POLR2E: variants seen among roughly 807,000 people sequenced by gnomAD.
POLR2E encodes the protein DNA-directed RNA polymerases I, II, and III subunit RPABC1.
A neutral mutation model predicts 29.8 loss-of-function variants in POLR2E; 35 were observed. The ratio of observed to expected loss-of-function variants is 1.17; its 90% CI spans 0.90 to 1.55. The LOEUF is 1.55. Ranked by LOEUF, POLR2E falls within the 40% of genes most tolerant of loss-of-function variation. The probability of loss-of-function intolerance (pLI) is 0.00; values close to 1 mark genes in which losing one functional copy is unlikely to be tolerated. For synonymous variants in POLR2E, 174 were observed against 112.6 expected, an observed-to-expected ratio of 1.55 and a Z score of -3.45; for missense variants, 287 against 288.6, an observed-to-expected ratio of 0.99 and a Z score of 0.04.
Position 1,093,935 on chromosome 19 carries a change from G to A in POLR2E, c.201C>T (p.Asp67=). The A allele has an allele frequency of 6.2e-7, 1 of 1,611,062 alleles. No homozygotes were observed. Among genetic ancestry groups the A allele is most frequent in the Non-Finnish European group, 8.5e-7 (1 of 1,178,754 alleles). ...AGAACACAAACATCTGGTCGGTGGG[G>A]TCATCGTTGTGGGCCACCAGCACGG... ...DLTVLVAHND[D]PTDQMFVFFP... Residue 67 remains aspartate, a synonymous_variant, in exon 2 of 8, where the codon GAC becomes GAT. Transcript: ENST00000615234.
chr19:1,094,543 TAA>T (rs34453757), intron 1 of POLR2E: 168 of 153,098 alleles, frequency 1.1e-3, no homozygotes, highest in South Asian at 3.7e-3. Flanking sequence ...CCCTATCTCT[TAA>T]AAAAAAAAAA....
intron 2 of POLR2E, chr19:1,092,180 C>CT: frequency 2.4e-6 from 1 of 413,968 alleles, no homozygotes; most frequent in East Asian, 5.0e-5. Flanking sequence ...ACCTTCGACT[C>CT]TGAGAGGCTC....
intron 1 of POLR2E, chr19:1,094,385 A>C: frequency 2.8e-6 from 1 of 362,902 alleles, no homozygotes; most frequent in African/African-American, 2.1e-5. Context: ...GCTACCCTAA[A>C]GGCAGGGACA....
In POLR2E at chr19:1,090,999, GC is replaced by G; in HGVS notation, c.349-12del. 1 of 1,613,158 alleles carries G rather than the reference GC, an allele frequency of 6.2e-7. No homozygotes were observed. The highest frequency in any genetic ancestry group is 8.5e-7 in the Non-Finnish European group (1 of 1,179,710). On this transcript the variant is annotated splice_polypyrimidine_tract_variant and intron_variant, in intron 3 of 7. Transcript: ENST00000615234. ...CATGTCGACCAGGGACTGGAAGAGA[GC>G]GGCTCTAAGGCACGGCCCGGAGGGG...
intron 2 of POLR2E, among the ~76,000 whole-genome samples, chr19:1,092,810 G>A (rs1410855429): frequency 6.6e-6 from 1 of 151,228 alleles, no homozygotes; most frequent in Non-Finnish European, 1.5e-5. Context: ...GAACCTGGGA[G>A]GTGGAGGTTG....
intron 1 of POLR2E, 35 bp from the exon 2 acceptor site, chr19:1,094,113 G>C: frequency 6.3e-7 from 1 of 1,578,120 alleles, no homozygotes. Context: ...CCCCAGGGCA[G>C]AGAGAGGAAG....
chr19:1,090,311 G>A (rs1027735989), intron 4 of POLR2E, among the ~76,000 whole-genome samples, 166 bp from the exon 5 acceptor site: 9 of 149,468 alleles, frequency 6.0e-5, no homozygotes, highest in Non-Finnish European at 1.3e-4. Context: ...CTCCACAGGC[G>A]GGGGACGGAG....
chr19:1,091,157 C>A (rs2041819094), intron 3 of POLR2E, among the ~76,000 whole-genome samples, 169 bp from the exon 4 acceptor site: 1 of 152,236 alleles, frequency 6.6e-6, no homozygotes, highest in African/African-American at 2.4e-5. Flanking sequence ...CCGCCCCTCC[C>A]CAGCCTCTCT....
Position 1,091,908 on chromosome 19 carries a change from C to T in POLR2E, c.233-1G>A. On this transcript the variant is annotated splice_acceptor_variant, in intron 2 of 7. Coordinates refer to ENST00000615234, the MANE Select transcript of POLR2E (RefSeq NM_002695.5). LOFTEE classifies it high-confidence loss of function. ...GTCTTGATGCCCACCTTGGGCTCCT[C>T]TGCAGACAGAGAGTGTGCTGGCCTG... The T allele has an allele frequency of 1.2e-6, 2 of 1,602,746 alleles. No individual in the cohort carries two copies. The highest frequency in any genetic ancestry group is 8.5e-7 in the Non-Finnish European group (1 of 1,170,956).
chr19:1,094,250 C>G (rs2043897500), intron 1 of POLR2E, 172 bp from the exon 2 acceptor site: 1 of 603,322 alleles, frequency 1.7e-6, no homozygotes, highest in African/African-American at 1.9e-5. Flanking sequence ...AGCCTCACAC[C>G]ACAGGATGGG....
At chr19:1,089,984 A>G (rs2043793235) in intron 5 of POLR2E, 22 bp from the exon 6 acceptor site, 3 of 1,588,016 alleles carry the variant, frequency 1.9e-6, no homozygotes, top group Non-Finnish European at 2.6e-6. Context: ...CGTCAGGAAA[A>G]TGCCAGACAG....
chr19:1,093,320 G>A (rs533519490), intron 2 of POLR2E, among the ~76,000 whole-genome samples: 1 of 152,248 alleles, frequency 6.6e-6, no homozygotes, highest in Non-Finnish European at 1.5e-5. Context: ...TCCCCCAACC[G>A]CTGAGGGCTT....
intron 7 of POLR2E, 64 bp downstream of exon 7, chr19:1,089,408 C>A: frequency 9.2e-7 from 1 of 1,090,600 alleles, no homozygotes; most frequent in Non-Finnish European, 1.4e-6. Flanking sequence ...CCCTGCACAC[C>A]GACGGAGGGG....
intron 7 of POLR2E, among the ~76,000 whole-genome samples, chr19:1,089,261 C>T (rs1383303804): frequency 6.6e-6 from 1 of 152,208 alleles, no homozygotes; most frequent in Non-Finnish European, 1.5e-5. Flanking sequence ...CAGGACTCTC[C>T]CGTCCAGGCG....
chr19:1,086,879 A>G lies in POLR2E; in HGVS notation c.*1856T>C, dbSNP rs1196632878. 2.0e-5 allele frequency: 3 copies of G among 152,054 alleles called. No homozygotes were observed. The highest frequency in any genetic ancestry group is 4.8e-5 in the African/African-American group (2 of 41,300). The allele number at this position is 152,054 out of a possible 1,614,324, so 9.4% of individuals were successfully genotyped here. A position where few individuals can be genotyped will look rare whatever the true frequency, so the allele number is the denominator to read the frequency against. ...GTCACGTCCACCTGCAGCCCAGGGC[A>G]GTCCAGGAAAACGTTCTCGATGACG... On this transcript the variant is annotated 3_prime_UTR_variant, in exon 8 of 8. Coordinates refer to ENST00000615234, the MANE Select transcript of POLR2E (RefSeq NM_002695.5).
chr19:1,093,280 C>A (rs772912982), intron 2 of POLR2E, among the ~76,000 whole-genome samples: 3 of 152,248 alleles, frequency 2.0e-5, no homozygotes, highest in African/African-American at 7.2e-5. Context: ...TAATTCTGGG[C>A]GTGGGGCTGC....
In POLR2E at chr19:1,091,086, A is replaced by G. The variant is rs745773328; in HGVS notation, c.349-98T>C. On this transcript the variant is annotated intron_variant, in intron 3 of 7. Transcript: ENST00000615234. Reference sequence around the variant, plus strand: ...TACCTGGGGCTTACTCGTGTGCCCCAACAACACACCCACGTCGTGAATCAG... The same window carrying G: ...TACCTGGGGCTTACTCGTGTGCCCCGACAACACACCCACGTCGTGAATCAG... 292 of 990,594 alleles carry G rather than the reference A, an allele frequency of 2.9e-4. 2 individuals are homozygous for G. The highest frequency in any genetic ancestry group is 9.3e-4 in the South Asian group (67 of 71,752). The allele number at this position is 990,594 out of a possible 1,614,324, so 61.4% of individuals were successfully genotyped here. A position where few individuals can be genotyped will look rare whatever the true frequency, so the allele number is the denominator to read the frequency against.
At chr19:1,089,619 G>A (rs1420397837) in intron 6 of POLR2E, 68 bp from the exon 7 acceptor site, 41 of 1,355,220 alleles carry the variant, frequency 3.0e-5, no homozygotes, top group Non-Finnish European at 3.9e-5. Context: ...GACAGCAGGC[G>A]GGCAGCACAC....
At position 1,095,308 on chromosome 19, in the gene POLR2E, T is replaced by A. The variant is rs779992371; in HGVS notation, c.8A>T (p.Asp3Val). The change falls in exon 1 of 8, where the codon GAC becomes GTC. Residue 3 changes from aspartate (D) to valine (V), a missense_variant. By Grantham distance (152) the Asp-to-Val change is radical (BLOSUM62 -3). Coordinates refer to ENST00000615234, the MANE Select transcript of POLR2E (RefSeq NM_002695.5). MD[D>V]EEETYRLWKI... ...CCAGAGCCGGTACGTCTCCTCCTCG[T>A]CGTCCATGGCAGCCTCCGCCGCCGC... 3.1e-6 allele frequency: 5 copies of A among 1,612,914 alleles called. No individual in the cohort carries two copies. The South Asian group carries it at 3.3e-5, about 11-fold the overall frequency.
Sources: allele counts gnomAD v4.1 joint callset (sites outside exome capture counted in the v4.1 genomes callset), GRCh38; gene constraint gnomAD v4.1.1; transcripts MANE v1.5; gene names NCBI Gene and HGNC (gene_info 2026-07-23, HGNC 2026-07-21).